The following PSD3 variants were observed in gnomAD, a reference collection of about 807,000 sequenced individuals.
The protein encoded by PSD3 is pleckstrin and Sec7 domain containing 3, also known as PH and SEC7 domain-containing protein 3.
A neutral mutation model predicts 105.5 loss-of-function variants in PSD3; 49 were observed. That is an observed-to-expected ratio of 0.46 (90% CI 0.37 to 0.59). The LOEUF is 0.59. Among genes scored for constraint, PSD3 ranks in the 20% least tolerant of loss-of-function variants. The probability of loss-of-function intolerance (pLI) is 0.00; values close to 1 mark genes in which losing one functional copy is unlikely to be tolerated. For synonymous variants in PSD3, 557 were observed against 457.8 expected (o/e 1.22, Z -2.77); for missense variants, 1,561 against 1,263.8 (o/e 1.24, Z -3.57).
At position 18,741,067 on chromosome 8, in the gene PSD3, G is replaced by C. The variant is rs972241884; in HGVS notation, c.2172+24382C>G. On this transcript the variant is annotated intron_variant, in intron 9 of 15. Transcript: ENST00000327040. Reference sequence around the variant, plus strand: ...GATTTTCAGATCCTAACATAAAAAGGGATTAAAATATTGTTTTCTGTTGTC... The same window carrying C: ...GATTTTCAGATCCTAACATAAAAAGCGATTAAAATATTGTTTTCTGTTGTC... Among the ~76,000 whole-genome samples, 4 of 152,124 alleles carry C rather than the reference G, an allele frequency of 2.6e-5. 1 individual carries two copies. The highest frequency in any genetic ancestry group is 5.9e-5 in the Non-Finnish European group (4 of 68,018).
intron 2 of PSD3, among the ~76,000 whole-genome samples, chr8:18,910,395 C>A (rs1237331445): frequency 8.2e-6 from 1 of 121,768 alleles, no homozygotes; most frequent in Non-Finnish European, 1.7e-5. Context: ...GAACAAAAAA[C>A]CAAACACCGC....
chr8:19,032,070 G>T (rs1827790239), intron 1 of PSD3, among the ~76,000 whole-genome samples: 1 of 152,232 alleles, frequency 6.6e-6, no homozygotes, highest in African/African-American at 2.4e-5. Flanking sequence ...TGAACACCTG[G>T]AGCGAGGGGA....
At chr8:18,914,117 C>T (rs1255689141) in intron 2 of PSD3, among the ~76,000 whole-genome samples, 1 of 151,906 alleles carries the variant, frequency 6.6e-6, no homozygotes, top group Non-Finnish European at 1.5e-5. Flanking sequence ...ACACACATTC[C>T]CTTCCAGATG....
chr8:18,818,038 C>G (rs1169575713), intron 4 of PSD3, among the ~76,000 whole-genome samples: 1 of 152,206 alleles, frequency 6.6e-6, no homozygotes, highest in Non-Finnish European at 1.5e-5. Context: ...ACTGCAACCT[C>G]TGCCTCCCCG....
intron 9 of PSD3, among the ~76,000 whole-genome samples, chr8:18,760,277 T>G (rs1806410328): frequency 6.6e-6 from 1 of 152,158 alleles, no homozygotes; most frequent in African/African-American, 2.4e-5. Flanking sequence ...ACATTCAAAA[T>G]CTATTCTCCT....
At chr8:18,907,252 T>G (rs955642766) in intron 2 of PSD3, among the ~76,000 whole-genome samples, 22 of 152,330 alleles carry the variant, frequency 1.4e-4, no homozygotes, top group African/African-American at 5.1e-4. Flanking sequence ...ACCGATTCAC[T>G]CAGAGCAACT....
At chr8:18,729,602 T>C (rs1803579509) in intron 9 of PSD3, among the ~76,000 whole-genome samples, 1 of 152,208 alleles carries the variant, frequency 6.6e-6, no homozygotes, top group South Asian at 2.1e-4. Context: ...CTATGTAAGG[T>C]ATAGATTTTA....
chr8:18,969,150 T>A (rs1824475604), intron 1 of PSD3, among the ~76,000 whole-genome samples: 1 of 152,164 alleles, frequency 6.6e-6, no homozygotes, highest in South Asian at 2.1e-4. Flanking sequence ...AAGGAGGTAA[T>A]ATTCAGAAAT....
chr8:18,543,799 T>A (rs1800286440), intron 15 of PSD3, among the ~76,000 whole-genome samples: 2 of 152,298 alleles, frequency 1.3e-5, no homozygotes, highest in South Asian at 4.1e-4. Flanking sequence ...CTATTGATAT[T>A]CTTTGAAAAG....
At chr8:18,851,435 C>A (rs1341141995) in intron 4 of PSD3, among the ~76,000 whole-genome samples, 2 of 152,252 alleles carry the variant, frequency 1.3e-5, no homozygotes, top group Middle Eastern at 3.2e-3. Flanking sequence ...AAAATCCCAG[C>A]TGGAACCCAA....
intron 9 of PSD3, among the ~76,000 whole-genome samples, chr8:18,763,961 C>T (rs1382858780): frequency 6.6e-6 from 1 of 152,144 alleles, no homozygotes; most frequent in African/African-American, 2.4e-5. Flanking sequence ...AGCAACAAAT[C>T]ATCTGGCAAA....
At position 18,672,689 on chromosome 8, in the gene PSD3, G is replaced by C. The variant is rs149177962; in HGVS notation, c.2173-17004C>G. On this transcript the variant is annotated intron_variant, in intron 9 of 15. Coordinates refer to ENST00000327040, the MANE Select transcript of PSD3 (RefSeq NM_015310.4). ...ATAAGTTGCATGGACAATCTCAGAA[G>C]AGACAACTGTTTCTCAAGAAAGGAC... 3.9e-3 allele frequency among the ~76,000 whole-genome samples: 588 copies of C among 152,288 alleles called. 4 individuals are homozygous for C. Among genetic ancestry groups the C allele is most frequent in the African/African-American group, 0.014 (568 of 41,554 alleles).
chr8:18,627,563 A>G (rs1015666162), intron 11 of PSD3, among the ~76,000 whole-genome samples: 3 of 152,148 alleles, frequency 2.0e-5, no homozygotes, highest in Non-Finnish European at 2.9e-5. Context: ...AGGCTGAAGA[A>G]GAACAAGAAT....
chr8:18,824,070 G>C (rs1223807457), intron 4 of PSD3, among the ~76,000 whole-genome samples: 2 of 152,118 alleles, frequency 1.3e-5, no homozygotes, highest in Admixed American at 6.5e-5. Flanking sequence ...CTACTTGGGA[G>C]GCTGAGGCGG....
At chr8:18,878,253 G>C (rs761622858) in intron 2 of PSD3, among the ~76,000 whole-genome samples, 29 of 152,022 alleles carry the variant, frequency 1.9e-4, no homozygotes, top group Non-Finnish European at 3.2e-4. Context: ...GCCATGCATA[G>C]AAATTCAATT....
At chr8:19,026,959 A>C (rs1354773025) in intron 1 of PSD3, among the ~76,000 whole-genome samples, 1 of 152,118 alleles carries the variant, frequency 6.6e-6, no homozygotes, top group Non-Finnish European at 1.5e-5. Flanking sequence ...CTCTCTTCTT[A>C]TTTTGGGCAA....
In PSD3 at chr8:18,872,499, T is replaced by A. The variant is rs777672639; in HGVS notation, c.365A>T (p.His122Leu). 2 of 1,614,172 alleles carry A rather than the reference T, an allele frequency of 1.2e-6. No individual in the cohort carries two copies. Among genetic ancestry groups the A allele is most frequent in the East Asian group, 2.2e-5 (1 of 44,868 alleles). ...KDVREAPSQS[H>L]LKEQSLQPID... Reference sequence around the variant, plus strand: ...GGGCTGTAAACTTTGTTCCTTGAGATGACTTTGAGAGGGGGCCTCTCTGAC... The same window carrying A: ...GGGCTGTAAACTTTGTTCCTTGAGAAGACTTTGAGAGGGGGCCTCTCTGAC... The change falls in exon 3 of 16, where the codon CAT becomes CTT. Residue 122 changes from histidine (H) to leucine (L), a missense_variant. By Grantham distance (99) the His-to-Leu change is moderately conservative (BLOSUM62 -3). Transcript: ENST00000327040.
intron 8 of PSD3, among the ~76,000 whole-genome samples, chr8:18,791,044 G>C (rs1247557571): frequency 6.6e-6 from 1 of 152,048 alleles, no homozygotes; most frequent in Non-Finnish European, 1.5e-5. Flanking sequence ...TTCAAGAAGA[G>C]CTACAAACCA....
chr8:18,989,894 G>A (rs190143353), intron 1 of PSD3, among the ~76,000 whole-genome samples: 21 of 152,240 alleles, frequency 1.4e-4, no homozygotes, highest in African/African-American at 4.8e-4. Context: ...TTATAGTCTA[G>A]GTGGAAGGAT....
Sources: allele counts gnomAD v4.1 joint callset (sites outside exome capture counted in the v4.1 genomes callset), GRCh38; gene constraint gnomAD v4.1.1; transcripts MANE v1.5; gene names NCBI Gene and HGNC (gene_info 2026-07-23, HGNC 2026-07-21).